B3GALT1: variants seen among roughly 807,000 people sequenced by gnomAD.
B3GALT1 encodes the protein UDP-Gal:betaGlcNAc beta 1,3-galactosyltransferase, polypeptide 1.
A neutral mutation model predicts 23.2 loss-of-function variants in B3GALT1; 10 were observed. The ratio of observed to expected loss-of-function variants is 0.43; its 90% confidence interval spans 0.27 to 0.73. B3GALT1 has a LOEUF of 0.73. Among genes scored for constraint, B3GALT1 ranks in the 30% least tolerant of loss-of-function variants. The pLI, the probability that B3GALT1 is intolerant of heterozygous loss-of-function variation, is 0.21. For synonymous variants in B3GALT1, 156 were observed against 141.5 expected (o/e 1.10, Z -0.73); for missense variants, 299 against 405.4 (o/e 0.74, Z 2.25).
intron 2 of B3GALT1, among the ~76,000 whole-genome samples, chr2:167,492,858 C>T (rs1699729870): frequency 1.4e-5 from 2 of 144,642 alleles, no homozygotes; most frequent in South Asian, 4.6e-4. Context: ...GAGTTATATC[C>T]AAGTGTGTGT....
intron 2 of B3GALT1, among the ~76,000 whole-genome samples, chr2:167,606,224 C>T (rs1684959634): frequency 6.6e-6 from 1 of 152,132 alleles, no homozygotes; most frequent in African/African-American, 2.4e-5. Flanking sequence ...TCATATGCCG[C>T]TAAGTTTTTC....
intron 2 of B3GALT1, among the ~76,000 whole-genome samples, chr2:167,607,889 C>T (rs1684994356): frequency 6.6e-6 from 1 of 152,116 alleles, no homozygotes; most frequent in Non-Finnish European, 1.5e-5. Flanking sequence ...TACTTTAACA[C>T]TCCTGTGGAT....
At chr2:167,703,765 G>T (rs1442802762) in intron 3 of B3GALT1, among the ~76,000 whole-genome samples, 1 of 152,032 alleles carries the variant, frequency 6.6e-6, no homozygotes, top group East Asian at 1.9e-4. Flanking sequence ...AAAAACAAAG[G>T]GCTAAGGGAA....
At chr2:167,739,250 C>T (rs937350273) in intron 3 of B3GALT1, among the ~76,000 whole-genome samples, 1 of 152,268 alleles carries the variant, frequency 6.6e-6, no homozygotes, top group South Asian at 2.1e-4. Context: ...GAATTTAAGA[C>T]TCACATGTAG....
chr2:167,581,255 G>A (rs1385238698), intron 2 of B3GALT1, among the ~76,000 whole-genome samples: 2 of 152,182 alleles, frequency 1.3e-5, no homozygotes, highest in Non-Finnish European at 2.9e-5. Flanking sequence ...CCTATGGAAA[G>A]CACTTTGTAA....
At chr2:167,806,286 T>A (rs1688751362) in intron 3 of B3GALT1, among the ~76,000 whole-genome samples, 1 of 152,194 alleles carries the variant, frequency 6.6e-6, no homozygotes, top group African/African-American at 2.4e-5. Flanking sequence ...AGGGACAATT[T>A]GACTTCCTCT....
intron 1 of B3GALT1, among the ~76,000 whole-genome samples, chr2:167,378,362 T>G (rs1697795949): frequency 6.6e-6 from 1 of 152,184 alleles, no homozygotes; most frequent in Non-Finnish European, 1.5e-5. Context: ...TATCTGGATG[T>G]CAACCTCTAG....
chr2:167,845,848 C>CA (rs1689747343), intron 4 of B3GALT1, among the ~76,000 whole-genome samples: 1 of 151,050 alleles, frequency 6.6e-6, no homozygotes, highest in Non-Finnish European at 1.5e-5. Context: ...GCAAGGAAAT[C>CA]AAAAAACAAT....
intron 2 of B3GALT1, among the ~76,000 whole-genome samples, chr2:167,564,325 C>T (rs1337079031): frequency 1.3e-5 from 2 of 149,616 alleles, no homozygotes; most frequent in Non-Finnish European, 3.0e-5. Flanking sequence ...AAGAGGCGCT[C>T]CCCACCTCCT....
At chr2:167,705,450 A>G (rs1015190884) in intron 3 of B3GALT1, among the ~76,000 whole-genome samples, 4 of 152,158 alleles carry the variant, frequency 2.6e-5, no homozygotes, top group Admixed American at 6.5e-5. Context: ...GGAACCTTAT[A>G]AGAAGAATCA....
rs371393673 is a variant in B3GALT1 at position 167,600,014 on chromosome 2, T to C, written c.-409-46895T>C. Among the ~76,000 whole-genome samples the C allele has an allele frequency of 1.2e-4, 19 of 152,364 alleles. No individual in the cohort carries two copies. The East Asian group carries it at 3.7e-3, about 29-fold the overall frequency. On this transcript the variant is annotated intron_variant, in intron 2 of 4. Transcript: ENST00000392690. ...GTGTCTCCCGTATGCTAAATGCCTT[T>C]GCAGACACTTGATATTATACATTAC...
intron 2 of B3GALT1, among the ~76,000 whole-genome samples, chr2:167,520,137 A>T (rs1214320564): frequency 1.3e-5 from 2 of 152,208 alleles, no homozygotes; most frequent in Non-Finnish European, 2.9e-5. Context: ...AAATGGAATT[A>T]AAAGATAAAA....
chr2:167,572,353 A>T (rs1309680706), intron 2 of B3GALT1, among the ~76,000 whole-genome samples: 1 of 151,830 alleles, frequency 6.6e-6, no homozygotes, highest in Non-Finnish European at 1.5e-5. Flanking sequence ...ATAGGCTACA[A>T]ACCTCCACTT....
At chr2:167,668,888 A>C (rs1050447373) in intron 3 of B3GALT1, among the ~76,000 whole-genome samples, 2 of 152,172 alleles carry the variant, frequency 1.3e-5, no homozygotes, top group Admixed American at 1.3e-4. Flanking sequence ...CTCAGATGGA[A>C]ATGCAGAGAT....
intron 2 of B3GALT1, among the ~76,000 whole-genome samples, chr2:167,603,911 A>C (rs1684916802): frequency 1.3e-5 from 2 of 151,966 alleles, no homozygotes; most frequent in South Asian, 2.1e-4. Flanking sequence ...TTTTCAAATC[A>C]CATAGAACAA....
At chr2:167,449,789 G>A (rs1174922305) in intron 1 of B3GALT1, among the ~76,000 whole-genome samples, 1 of 152,112 alleles carries the variant, frequency 6.6e-6, no homozygotes, top group Non-Finnish European at 1.5e-5. Flanking sequence ...TTTGCTGAGG[G>A]TTTTATTCGT....
chr2:167,516,060 G>C (rs1045417527), intron 2 of B3GALT1, among the ~76,000 whole-genome samples: 1 of 151,964 alleles, frequency 6.6e-6, no homozygotes, highest in Non-Finnish European at 1.5e-5. Flanking sequence ...TTGCCTATTT[G>C]TAGTTTTTCC....
At chr2:167,529,838 CTT>C (rs1217882872) in intron 2 of B3GALT1, among the ~76,000 whole-genome samples, 1 of 151,988 alleles carries the variant, frequency 6.6e-6, no homozygotes, top group Non-Finnish European at 1.5e-5. Flanking sequence ...TCAGTAGTCT[CTT>C]ATATCATCTC....
chr2:167,601,211 C>T (rs1684872725), intron 2 of B3GALT1, among the ~76,000 whole-genome samples: 1 of 152,118 alleles, frequency 6.6e-6, no homozygotes, highest in Admixed American at 6.5e-5. Flanking sequence ...AGGCACGTGC[C>T]ACCACGCCCA....
Sources: gnomAD v4.1 joint callset for allele counts (sites outside exome capture counted in the v4.1 genomes callset) on GRCh38, gnomAD v4.1.1 for gene constraint, MANE v1.5 for transcripts, NCBI Gene and HGNC (gene_info 2026-07-23, HGNC 2026-07-21) for gene names.